HMGN5: variants seen among roughly 807,000 people sequenced by gnomAD.
HMGN5 encodes high mobility group nucleosome-binding domain-containing protein 5.
A neutral mutation model predicts 9.5 loss-of-function variants in HMGN5; 4 were observed. The ratio of observed to expected loss-of-function variants is 0.42; its 90% CI spans 0.21 to 0.96. HMGN5 has a LOEUF of 0.96. Among genes scored for constraint, HMGN5 ranks in the 40% least tolerant of loss-of-function variants. HMGN5 has a pLI of 0.30. For missense variants in HMGN5, 192 were observed against 187.5 expected (o/e 1.02, Z -0.14); for synonymous variants, 55 against 57.1 (o/e 0.96, Z 0.16).
chrX:81,186,977 T>C (rs2075479316), intron 1 of HMGN5, among the ~76,000 whole-genome samples: 1 of 111,977 alleles, frequency 8.9e-6, no homozygotes, highest in Admixed American at 9.5e-5. Context: ...CAGGAGCATA[T>C]TGTTTAATTT....
Position 81,114,799 on chromosome X carries a change from T to C in HMGN5, c.699A>G (p.Lys233=). 1 of 1,163,239 alleles carries C rather than the reference T, an allele frequency of 8.6e-7. No individual in the cohort carries two copies. The highest frequency in any genetic ancestry group is 1.1e-6 in the Non-Finnish European group (1 of 871,571). Residue 233 remains lysine, a synonymous_variant, in exon 7 of 7, where the codon AAA becomes AAG. Transcript: ENST00000358130. ...GKDVKVKEDE[K]EREDGKEDEG... is the part of the protein sequence containing the mutation. Reference sequence around the variant, plus strand: ...CATCTTCTTTTCCATCTTCTCTCTCTTTTTCATCTTCTTTGACTTTTACAT... The same window carrying C: ...CATCTTCTTTTCCATCTTCTCTCTCCTTTTCATCTTCTTTGACTTTTACAT...
rs1383045568 is a variant in HMGN5, at chrX:81,149,124, C to T, written c.-123-27452G>A. ...ACCATTTGACCCAGCAATCTCATTACTAGGTATATACCCAAAGGATTATAA... is the reference window on the plus strand; with the variant it reads ...ACCATTTGACCCAGCAATCTCATTATTAGGTATATACCCAAAGGATTATAA... On this transcript the variant is annotated intron_variant, in intron 1 of 6. Transcript: ENST00000358130. Among the ~76,000 whole-genome samples, 3 of 111,557 alleles carry T rather than the reference C, an allele frequency of 2.7e-5. No homozygotes were observed. The East Asian group carries it at 8.4e-4, about 31-fold the overall frequency.
intron 5 of HMGN5, among the ~76,000 whole-genome samples, chrX:81,117,314 A>T (rs2075256576): frequency 2.4e-5 from 2 of 83,587 alleles, no homozygotes; most frequent in South Asian, 1.5e-3. Context: ...GGCTGGAGTG[A>T]GGCAATCTCT....
At chrX:81,180,194 T>C (rs1288167546) in intron 1 of HMGN5, among the ~76,000 whole-genome samples, 1 of 111,441 alleles carries the variant, frequency 9.0e-6, no homozygotes, top group Non-Finnish European at 1.9e-5. Flanking sequence ...AAAGCCAAAA[T>C]TGACAAACGG....
chrX:81,179,339 G>A (rs753128570), intron 1 of HMGN5, among the ~76,000 whole-genome samples: 41 of 111,820 alleles, frequency 3.7e-4, no homozygotes, highest in African/African-American at 1.3e-3. Context: ...AAGCTGATAA[G>A]CAACTTCAGC....
intron 1 of HMGN5, chrX:81,197,701 C>G (rs563965894): frequency 9.1e-6 from 1 of 110,218 alleles, no homozygotes; most frequent in South Asian, 3.9e-4. Flanking sequence ...ATGAAAATAA[C>G]TCACCTGGAG....
chrX:81,194,309 A>G (rs984059824), intron 1 of HMGN5, among the ~76,000 whole-genome samples: 4 of 111,331 alleles, frequency 3.6e-5, no homozygotes, highest in African/African-American at 1.3e-4. Flanking sequence ...CATAAAGAAA[A>G]ATATTTTATA....
In HMGN5 at chrX:81,123,012, T is replaced by G. The variant is rs150671629; in HGVS notation, c.-123-1340A>C. ...CCTGGAGGGTTAATCAAAAAAGAAA[T>G]TTAACCTTTTGAACAGTTACTTTAG... is the stretch of plus-strand genomic sequence containing the variant. On this transcript the variant is annotated intron_variant, in intron 1 of 6. Transcript: ENST00000358130. Among the ~76,000 whole-genome samples, 154 of 111,212 alleles carry G rather than the reference T, an allele frequency of 1.4e-3. 1 individual carries two copies. The highest frequency in any genetic ancestry group is 4.8e-3 in the African/African-American group (147 of 30,636).
chrX:81,150,389 C>T (rs2075357667), intron 1 of HMGN5, among the ~76,000 whole-genome samples: 1 of 110,371 alleles, frequency 9.1e-6, no homozygotes, highest in South Asian at 3.9e-4. Flanking sequence ...CATGATGAAA[C>T]CCCGTCTCTA....
Position 81,114,702 on chromosome X carries a change from C to A in HMGN5, c.796G>T (p.Asp266Tyr). The stretch of plus-strand genomic sequence containing the variant: ...TTTCCATCATCTTCTTTGATCTCAT[C>A]TTCCTCTTTTCCTTCTTCCTCTTCT... ...LKEEEEGKEEDEIKEDDGKKE... is the reference protein window; with the variant it reads ...LKEEEEGKEEYEIKEDDGKKE... Residue 266 changes from aspartate to tyrosine, a missense_variant, in exon 7 of 7, where the codon GAT (aspartate) becomes TAT (tyrosine). Transcript: ENST00000358130. The A allele has an allele frequency of 8.7e-7, 1 of 1,150,491 alleles. No individual in the cohort carries two copies. Among genetic ancestry groups the A allele is most frequent in the Admixed American group, 2.8e-5 (1 of 36,081 alleles). 94.8% of individuals were successfully genotyped at this position (1,150,491 alleles called of 1,213,427 possible). A position where few individuals can be genotyped will look rare whatever the true frequency, so the allele number is the denominator to read the frequency against.
At chrX:81,164,161 T>C (rs2075404983) in intron 1 of HMGN5, among the ~76,000 whole-genome samples, 1 of 111,811 alleles carries the variant, frequency 8.9e-6, no homozygotes, top group African/African-American at 3.2e-5. Flanking sequence ...TCCCCTCAAA[T>C]AACAGAGCTA....
At chrX:81,178,620 G>A (rs951593951) in intron 1 of HMGN5, among the ~76,000 whole-genome samples, 2 of 111,718 alleles carry the variant, frequency 1.8e-5, no homozygotes, top group Admixed American at 1.9e-4. Context: ...TCTACCAGAG[G>A]TACAAAGAGG....
Position 81,135,541 on chromosome X carries a change from C to T in HMGN5, c.-123-13869G>A, listed in dbSNP as rs977164248. Among the ~76,000 whole-genome samples the T allele has an allele frequency of 5.4e-5, 6 of 111,128 alleles. No homozygotes were observed. In the East Asian group the frequency reaches 1.7e-3, roughly 31 times the overall value. On this transcript the variant is annotated intron_variant, in intron 1 of 6. Transcript: ENST00000358130. ...AGGAATAAGATAGTGATACATGCTA[C>T]CTCAAAAACATTATACTAAGTGAAA...
At chrX:81,144,103 G>A (rs1020362831) in intron 1 of HMGN5, among the ~76,000 whole-genome samples, 3 of 111,651 alleles carry the variant, frequency 2.7e-5, no homozygotes, top group Non-Finnish European at 3.8e-5. Context: ...CTGCATGACA[G>A]CTCTTAAAAG....
intron 1 of HMGN5, among the ~76,000 whole-genome samples, chrX:81,123,223 CATT>C (rs752135184): frequency 3.7e-5 from 4 of 108,989 alleles, no homozygotes; most frequent in East Asian, 5.6e-4. Context: ...ATATTTATAT[CATT>C]ATTATTATTA....
intron 1 of HMGN5, among the ~76,000 whole-genome samples, chrX:81,148,167 A>G (rs1676916886): frequency 8.9e-6 from 1 of 112,216 alleles, no homozygotes; most frequent in South Asian, 3.7e-4. Flanking sequence ...AAGAACCTGC[A>G]TAGCCAAGAC....
intron 1 of HMGN5, among the ~76,000 whole-genome samples, chrX:81,172,100 G>A (rs1011537942): frequency 9.1e-6 from 1 of 110,130 alleles, no homozygotes; most frequent in Non-Finnish European, 1.9e-5. Flanking sequence ...AAAAAAAATT[G>A]AGGAGGCTGT....
At chrX:81,148,070 T>C (rs1450342466) in intron 1 of HMGN5, among the ~76,000 whole-genome samples, 3 of 112,032 alleles carry the variant, frequency 2.7e-5, no homozygotes, top group East Asian at 2.8e-4. Flanking sequence ...AAGTAATTTA[T>C]AGATTCAATG....
At chrX:81,130,263 C>T (rs1223056802) in intron 1 of HMGN5, among the ~76,000 whole-genome samples, 4 of 111,052 alleles carry the variant, frequency 3.6e-5, no homozygotes, top group Non-Finnish European at 7.6e-5. Flanking sequence ...GGCTAGACCT[C>T]ACAGAATTAC....
Sources: gnomAD v4.1 joint callset for allele counts (sites outside exome capture counted in the v4.1 genomes callset) on GRCh38, gnomAD v4.1.1 for gene constraint, MANE v1.5 for transcripts, NCBI Gene and HGNC (gene_info 2026-07-23, HGNC 2026-07-21) for gene names.